Variants in C1orf21 observed in about 807,000 individuals in gnomAD.
C1orf21 encodes the protein uncharacterized protein C1orf21.
In C1orf21, 3 loss-of-function variants were observed where a neutral mutation model predicts 18.7. That is an observed-to-expected ratio of 0.16 (90% CI 0.07 to 0.42). The LOEUF is 0.42. C1orf21 is among the 10% of genes least tolerant of loss of function. The pLI is 0.99. For missense variants in C1orf21, 104 were observed against 143.6 expected, an observed-to-expected ratio of 0.72 and a Z score of 1.41; for synonymous variants, 41 against 46.4, an observed-to-expected ratio of 0.88 and a Z score of 0.47.
chr1:184,521,835 A>T (rs1320388057), intron 3 of C1orf21, among the ~76,000 whole-genome samples: 1 of 152,220 alleles, frequency 6.6e-6, no homozygotes, highest in Admixed American at 6.5e-5. Context: ...AGTATTACAA[A>T]TATGTGAAAT....
At chr1:184,493,288 A>T (rs1375814413) in intron 2 of C1orf21, among the ~76,000 whole-genome samples, 1 of 152,228 alleles carries the variant, frequency 6.6e-6, no homozygotes, top group Non-Finnish European at 1.5e-5. Flanking sequence ...CATAGTAATA[A>T]TCTGTGCTGG....
chr1:184,460,845 G>A (rs1454383515), intron 1 of C1orf21, among the ~76,000 whole-genome samples: 1 of 151,552 alleles, frequency 6.6e-6, no homozygotes. Context: ...CAGAGCCAAT[G>A]TGTGTGAAAG....
chr1:184,579,988 GAGA>G (rs920250001), intron 3 of C1orf21, among the ~76,000 whole-genome samples: 7 of 152,206 alleles, frequency 4.6e-5, no homozygotes, highest in African/African-American at 1.4e-4. Context: ...TGTCATGGTG[GAGA>G]AGGACTCTCT....
intron 1 of C1orf21, among the ~76,000 whole-genome samples, chr1:184,475,774 TGTGTGTG>T (rs1190906720): frequency 1.2e-4 from 18 of 151,464 alleles, no homozygotes; most frequent in African/African-American, 3.9e-4. Context: ...TGTGTGTGTG[TGTGTGTG>T]TCCATCCACA....
intron 1 of C1orf21, among the ~76,000 whole-genome samples, chr1:184,390,642 A>G (rs898942687): frequency 1.7e-4 from 26 of 152,208 alleles, no homozygotes; most frequent in African/African-American, 6.0e-4. Flanking sequence ...GGGAAGGGTT[A>G]CATGATATAT....
chr1:184,481,303 A>G (rs1657650323), intron 2 of C1orf21, among the ~76,000 whole-genome samples: 1 of 152,074 alleles, frequency 6.6e-6, no homozygotes, highest in African/African-American at 2.4e-5. Flanking sequence ...ACACTTCTCT[A>G]TGTATCTCTC....
At chr1:184,451,524 C>T (rs532880470) in intron 1 of C1orf21, among the ~76,000 whole-genome samples, 4 of 138,104 alleles carry the variant, frequency 2.9e-5, no homozygotes, top group South Asian at 4.5e-4. Context: ...AGGCTTGTCT[C>T]GAACTCCTGG....
chr1:184,437,993 C>G (rs1656885075), intron 1 of C1orf21, among the ~76,000 whole-genome samples: 1 of 152,154 alleles, frequency 6.6e-6, no homozygotes, highest in Non-Finnish European at 1.5e-5. Flanking sequence ...GGAGGCAGAA[C>G]TCAGGCAGGA....
rs1032930294 is a variant in C1orf21, at chr1:184,445,911, T to C, written c.-124-31475T>C. Among the ~76,000 whole-genome samples, 3 of 152,202 alleles carry C rather than the reference T, an allele frequency of 2.0e-5. No individual in the cohort carries two copies. The South Asian group carries it at 6.2e-4, about 32-fold the overall frequency. On this transcript the variant is annotated intron_variant, in intron 1 of 5. Coordinates refer to ENST00000235307, the MANE Select transcript of C1orf21 (RefSeq NM_030806.4). ...TTAACATAATATTATTGGCTAAATA[T>C]TTCCCTTGCCAAGTAGAAGGATGTG...
In C1orf21 at chr1:184,605,791, CAG is replaced by C. The variant is rs1201487499; in HGVS notation, c.327+7333_327+7334del. ...GGTCTGGGATATTGAAGAAAATACA[CAG>C]AGTCTCCAGTAGTGTTTGCTGTGTT... On this transcript the variant is annotated intron_variant, in intron 5 of 5. Coordinates refer to ENST00000235307, the MANE Select transcript of C1orf21 (RefSeq NM_030806.4). 3.3e-5 allele frequency among the ~76,000 whole-genome samples: 5 copies of C among 152,312 alleles called. No homozygotes were observed. The East Asian group carries it at 5.8e-4, about 18-fold the overall frequency.
chr1:184,554,854 A>G (rs956152848), intron 3 of C1orf21, among the ~76,000 whole-genome samples: 1 of 152,214 alleles, frequency 6.6e-6, no homozygotes, highest in Non-Finnish European at 1.5e-5. Context: ...TTGAAAATAG[A>G]AGTAAAAATT....
chr1:184,552,935 A>G (rs930078785), intron 3 of C1orf21, among the ~76,000 whole-genome samples: 49 of 152,364 alleles, frequency 3.2e-4, no homozygotes, highest in Admixed American at 3.2e-3. Flanking sequence ...TTTGGCCTAG[A>G]GAAGAGACAT....
At chr1:184,413,096 A>G (rs1656383369) in intron 1 of C1orf21, among the ~76,000 whole-genome samples, 1 of 152,200 alleles carries the variant, frequency 6.6e-6, no homozygotes, top group South Asian at 2.1e-4. Context: ...AGAGCAAGTA[A>G]AGGAAACCTA....
At chr1:184,470,368 G>GA (rs34678440) in intron 1 of C1orf21, among the ~76,000 whole-genome samples, 23,911 of 151,568 alleles carry the variant, frequency 0.16, 2,106 homozygotes, top group African/African-American at 0.21. Context: ...AAACAGTCCA[G>GA]AAAAAAAAGG....
At chr1:184,591,621 A>T (rs898286434) in intron 4 of C1orf21, among the ~76,000 whole-genome samples, 11 of 152,056 alleles carry the variant, frequency 7.2e-5, no homozygotes, top group African/African-American at 2.7e-4. Flanking sequence ...CCTGGCTAAC[A>T]CGATGAAACC....
intron 3 of C1orf21, among the ~76,000 whole-genome samples, chr1:184,526,961 T>A (rs1311519518): frequency 6.6e-6 from 1 of 152,104 alleles, no homozygotes; most frequent in Admixed American, 6.5e-5. Flanking sequence ...AAGCAGGCAG[T>A]TTCCATGAAG....
intron 1 of C1orf21, among the ~76,000 whole-genome samples, chr1:184,389,432 A>G (rs761921302): frequency 1.4e-4 from 22 of 152,176 alleles, no homozygotes; most frequent in Non-Finnish European, 2.8e-4. Flanking sequence ...TAGAAAACTG[A>G]TAATTTTGTT....
At chr1:184,616,925 T>G (rs939308787) in intron 5 of C1orf21, among the ~76,000 whole-genome samples, 2 of 152,066 alleles carry the variant, frequency 1.3e-5, no homozygotes, top group East Asian at 3.9e-4. Flanking sequence ...CTGTCTGGAG[T>G]GCAAGGCTGA....
rs534251816 is a variant in C1orf21, at chr1:184,430,907, C to G, written c.-125+43539C>G. 8.2e-4 allele frequency among the ~76,000 whole-genome samples: 125 copies of G among 152,272 alleles called. 2 individuals are homozygous for G. The highest frequency in any genetic ancestry group is 1.8e-4 in the Non-Finnish European group (12 of 68,026). Reference sequence around the variant, plus strand: ...GGCCATTTTCACGATATTGATTCTTCCTATCCATGAGCACGGAATGTTTTT... The same window carrying G: ...GGCCATTTTCACGATATTGATTCTTGCTATCCATGAGCACGGAATGTTTTT... On this transcript the variant is annotated intron_variant, in intron 1 of 5. Transcript: ENST00000235307.
Sources: allele counts gnomAD v4.1 joint callset (sites outside exome capture counted in the v4.1 genomes callset), GRCh38; gene constraint gnomAD v4.1.1; transcripts MANE v1.5; gene names NCBI Gene and HGNC (gene_info 2026-07-23, HGNC 2026-07-21).